Variants in PDE3B observed in about 807,000 individuals in gnomAD.
PDE3B encodes the protein cGMP-inhibited 3',5'-cyclic phosphodiesterase 3B.
In PDE3B, 66 loss-of-function variants were observed where a neutral mutation model predicts 116.8. The observed-to-expected ratio is 0.56, with a 90% CI of 0.46 to 0.69. The LOEUF is 0.69. Ranked by LOEUF, PDE3B falls within the 30% of genes least tolerant of loss-of-function variation. PDE3B has a pLI of 0.00. For synonymous variants in PDE3B, 595 were observed against 533.6 expected, an observed-to-expected ratio of 1.12 and a Z score of -1.59; for missense variants, 1,384 against 1,368.1, an observed-to-expected ratio of 1.01 and a Z score of -0.18.
chr11:14,763,253 G>A (rs1857410170), intron 1 of PDE3B, among the ~76,000 whole-genome samples: 1 of 152,062 alleles, frequency 6.6e-6, no homozygotes, highest in Admixed American at 6.6e-5. Flanking sequence ...AGGAAAGAGT[G>A]TTAGATTGTG....
chr11:14,815,767 T>C (rs1439608249), intron 5 of PDE3B, among the ~76,000 whole-genome samples: 2 of 151,616 alleles, frequency 1.3e-5, no homozygotes, highest in African/African-American at 2.4e-5. Context: ...CACAAGCCAA[T>C]AGAAAAATTA....
intron 5 of PDE3B, among the ~76,000 whole-genome samples, chr11:14,812,029 A>C (rs1249425460): frequency 6.6e-6 from 1 of 152,158 alleles, no homozygotes; most frequent in African/African-American, 2.4e-5. Flanking sequence ...TATCAGCTTA[A>C]GGAGATTTTG....
At chr11:14,874,033 A>G (rs142021973), downstream of PDE3B, among the ~76,000 whole-genome samples, 1 of 152,142 alleles carries the variant, frequency 6.6e-6, no homozygotes, top group African/African-American at 2.4e-5. Context: ...ACTTCTACCT[A>G]TTTCTTTTTG....
chr11:14,896,702 C>T, the PDE3B span, among the ~76,000 whole-genome samples: 1 of 152,076 alleles, frequency 6.6e-6, no homozygotes, highest in Non-Finnish European at 1.5e-5. Context: ...ACAATTCTTC[C>T]CTATCAACTG....
At chr11:14,698,540 T>G (rs2133814731) in intron 1 of PDE3B, among the ~76,000 whole-genome samples, 1 of 152,038 alleles carries the variant, frequency 6.6e-6, no homozygotes, top group African/African-American at 2.4e-5. Flanking sequence ...TTTTTAAAAG[T>G]TTTCATCTGT....
chr11:14,648,888 C>T (rs1208859499), intron 1 of PDE3B, among the ~76,000 whole-genome samples: 1 of 152,110 alleles, frequency 6.6e-6, no homozygotes, highest in Admixed American at 6.5e-5. Context: ...AACATCTCCA[C>T]TTGTTGAAAT....
chr11:14,886,852 A>G, the PDE3B span: 1 of 152,318 alleles, frequency 6.6e-6, no homozygotes, highest in Non-Finnish European at 1.5e-5. Flanking sequence ...GCAGAGAACA[A>G]AAGTTCAGCA....
At chr11:14,892,340 G>T in the PDE3B span, 2 of 817,664 alleles carry the variant, frequency 2.4e-6, no homozygotes, top group Admixed American at 2.5e-5. Flanking sequence ...CTGAGTGAGC[G>T]CTCAGGCCCC....
intron 12 of PDE3B, 124 bp from the exon 13 acceptor site, chr11:14,858,919 T>C (rs1555006586): frequency 1.6e-6 from 1 of 609,206 alleles, no homozygotes; most frequent in African/African-American, 1.9e-5. Context: ...GGTACTAAAA[T>C]ACCTGGTAAA....
At chr11:14,812,750 G>A (rs1421620449) in intron 5 of PDE3B, among the ~76,000 whole-genome samples, 4 of 152,154 alleles carry the variant, frequency 2.6e-5, no homozygotes, top group Admixed American at 6.5e-5. Flanking sequence ...TATATTTAAC[G>A]AAAATGTTGT....
At chr11:14,689,573 G>A (rs1338324840) in intron 1 of PDE3B, among the ~76,000 whole-genome samples, 1 of 152,112 alleles carries the variant, frequency 6.6e-6, no homozygotes, top group Non-Finnish European at 1.5e-5. Flanking sequence ...TGAAAAAAAA[G>A]AGTGTAGATA....
At chr11:14,712,608 C>A (rs899310016) in intron 1 of PDE3B, among the ~76,000 whole-genome samples, 2 of 150,974 alleles carry the variant, frequency 1.3e-5, no homozygotes, top group Admixed American at 6.6e-5. Context: ...CCGAGTAGCT[C>A]GGCTTACAGG....
At position 14,786,464 on chromosome 11, in the gene PDE3B, C is replaced by T. The variant is rs1858200290; in HGVS notation, c.1057C>T (p.Leu353Phe). 6.2e-7 allele frequency: 1 copy of T among 1,610,746 alleles called. No individual in the cohort carries two copies. The highest frequency in any genetic ancestry group is 1.3e-5 in the African/African-American group (1 of 74,698). ...QNSGGGNGVD[L>F]SVLNEARNMV... Reference sequence around the variant, plus strand: ...TTCTGGAGGTGGAAATGGAGTTGATCTTTCAGTGCTAAATGAGGCTCGCAA... The same window carrying T: ...TTCTGGAGGTGGAAATGGAGTTGATTTTTCAGTGCTAAATGAGGCTCGCAA... The change falls in exon 3 of 16, where the codon CTT becomes TTT. Residue 353 changes from leucine to phenylalanine, a missense_variant. By Grantham distance (22) the Leu-to-Phe change is conservative. Transcript: ENST00000282096.
chr11:14,703,033 AAATCCTGGTCTTCTGTCAGTCTG>A (rs2133819505), intron 1 of PDE3B, among the ~76,000 whole-genome samples: 1 of 151,992 alleles, frequency 6.6e-6, no homozygotes, highest in South Asian at 2.1e-4. Context: ...CTAGAGATCC[AAATCCTGGTCTTCTGTCAGTCTG>A]AGGCAAGTAG....
intron 4 of PDE3B, among the ~76,000 whole-genome samples, chr11:14,797,066 T>G (rs955717961): frequency 1.1e-4 from 17 of 152,218 alleles, no homozygotes; most frequent in African/African-American, 3.9e-4. Flanking sequence ...GGGTCCAGTT[T>G]CAGTTTTCTG....
intron 4 of PDE3B, among the ~76,000 whole-genome samples, chr11:14,802,279 G>A (rs927256563): frequency 4.6e-5 from 7 of 152,168 alleles, no homozygotes; most frequent in Non-Finnish European, 7.3e-5. Context: ...GCCCCGGTGG[G>A]GTAGGCACCG....
chr11:14,730,578 G>A (rs1315726426), intron 1 of PDE3B, among the ~76,000 whole-genome samples: 1 of 152,142 alleles, frequency 6.6e-6, no homozygotes, highest in African/African-American at 2.4e-5. Flanking sequence ...GTTCTTAGAC[G>A]TTTCAGGCCA....
chr11:14,749,589 A>T (rs2133874006), intron 1 of PDE3B, among the ~76,000 whole-genome samples: 1 of 152,024 alleles, frequency 6.6e-6, no homozygotes, highest in Non-Finnish European at 1.5e-5. Flanking sequence ...ATGACTCCAC[A>T]ATCTCTCTTA....
intron 14 of PDE3B, among the ~76,000 whole-genome samples, chr11:14,865,040 A>G (rs369125157): frequency 9.2e-5 from 14 of 152,326 alleles, no homozygotes; most frequent in African/African-American, 2.9e-4. Flanking sequence ...AAAAAAATCA[A>G]TGAATCCAGG....
Sources: allele counts gnomAD v4.1 joint callset (sites outside exome capture counted in the v4.1 genomes callset), GRCh38; gene constraint gnomAD v4.1.1; transcripts MANE v1.5; gene names NCBI Gene and HGNC (gene_info 2026-07-23, HGNC 2026-07-21).